Variants in CACNG2 observed in about 807,000 individuals in gnomAD.
The protein encoded by CACNG2 is calcium voltage-gated channel auxiliary subunit gamma 2.
A neutral mutation model predicts 25.9 loss-of-function variants in CACNG2; 3 were observed. That is an observed-to-expected ratio of 0.12 (90% CI 0.05 to 0.30). CACNG2 has a LOEUF of 0.30. CACNG2 is among the 10% of genes least tolerant of loss of function. The pLI, the probability that CACNG2 is intolerant of heterozygous loss-of-function variation, is 1.00. For missense variants in CACNG2, 341 were observed against 432.5 expected (o/e 0.79, Z 1.88); for synonymous variants, 167 against 173.3 (o/e 0.96, Z 0.29).
chr22:36,676,820 G>T (rs1937026201), intron 1 of CACNG2, among the ~76,000 whole-genome samples: 1 of 152,164 alleles, frequency 6.6e-6, no homozygotes, highest in Non-Finnish European at 1.5e-5. Flanking sequence ...CTACCCCACT[G>T]CCTGGGAACA....
At chr22:36,598,042 T>A (rs1056459522) in intron 1 of CACNG2, among the ~76,000 whole-genome samples, 2 of 152,246 alleles carry the variant, frequency 1.3e-5, no homozygotes, top group African/African-American at 2.4e-5. Context: ...TCAATGTTTC[T>A]GAAATTGAGA....
chr22:36,590,116 C>A (rs1022927944), intron 1 of CACNG2, among the ~76,000 whole-genome samples: 1 of 152,126 alleles, frequency 6.6e-6, no homozygotes, highest in Middle Eastern at 3.2e-3. Context: ...GGGCCACACC[C>A]GCTCCTGTTC....
intron 1 of CACNG2, among the ~76,000 whole-genome samples, chr22:36,664,057 C>A (rs1400586981): frequency 6.6e-6 from 1 of 152,094 alleles, no homozygotes; most frequent in African/African-American, 2.4e-5. Flanking sequence ...TGCATCTTCC[C>A]ACCCTTCCTC....
chr22:36,613,709 C>T (rs1337880427), intron 1 of CACNG2, among the ~76,000 whole-genome samples: 1 of 152,054 alleles, frequency 6.6e-6, no homozygotes, highest in Non-Finnish European at 1.5e-5. Context: ...CAACCCAGTC[C>T]TGTCTTCTTT....
At chr22:36,568,611 G>T (rs1245532627) in intron 2 of CACNG2, among the ~76,000 whole-genome samples, 1 of 151,790 alleles carries the variant, frequency 6.6e-6, no homozygotes, top group Non-Finnish European at 1.5e-5. Context: ...CGCTATGTTG[G>T]CCAGGCTGGT....
intron 1 of CACNG2, among the ~76,000 whole-genome samples, chr22:36,591,031 G>C (rs541097991): frequency 1.5e-4 from 19 of 127,868 alleles, no homozygotes; most frequent in Non-Finnish European, 2.1e-4. Flanking sequence ...CTCTATGTTG[G>C]GGGGAGATAT....
intron 1 of CACNG2, among the ~76,000 whole-genome samples, chr22:36,635,197 T>C (rs1191535237): frequency 2.0e-5 from 3 of 149,588 alleles, no homozygotes; most frequent in African/African-American, 5.0e-5. Flanking sequence ...GGCAGGAGAA[T>C]GGTGTGAACC....
At chr22:36,603,492 T>C (rs569718237) in intron 1 of CACNG2, among the ~76,000 whole-genome samples, 1 of 152,328 alleles carries the variant, frequency 6.6e-6, no homozygotes, top group African/African-American at 2.4e-5. Context: ...CAGCTTTCTA[T>C]TGGAAGAAGA....
At chr22:36,676,851 G>T (rs775457943) in intron 1 of CACNG2, among the ~76,000 whole-genome samples, 1 of 152,022 alleles carries the variant, frequency 6.6e-6, no homozygotes, top group Non-Finnish European at 1.5e-5. Flanking sequence ...CAGCCTCAGC[G>T]AATGCCCTGG....
At chr22:36,649,451 C>G (rs1321429512) in intron 1 of CACNG2, among the ~76,000 whole-genome samples, 3 of 152,102 alleles carry the variant, frequency 2.0e-5, no homozygotes, top group East Asian at 1.9e-4. Context: ...GCCACTATGC[C>G]CAGCTAATTT....
At chr22:36,566,004 C>T (rs1256835184) in intron 3 of CACNG2, among the ~76,000 whole-genome samples, 1 of 152,222 alleles carries the variant, frequency 6.6e-6, no homozygotes, top group Non-Finnish European at 1.5e-5. Context: ...CAGCGAGGCA[C>T]TTGGGTGCCC....
At chr22:36,585,826 A>AGAAAGAAG (rs1173824570) in intron 2 of CACNG2, among the ~76,000 whole-genome samples, 1 of 152,242 alleles carries the variant, frequency 6.6e-6, no homozygotes, top group African/African-American at 2.4e-5. Flanking sequence ...TCTATGCTCT[A>AGAAAGAAG]TGCTCTTCTT....
intron 1 of CACNG2, among the ~76,000 whole-genome samples, chr22:36,588,039 C>T (rs1462411266): frequency 6.6e-6 from 1 of 152,256 alleles, no homozygotes; most frequent in African/African-American, 2.4e-5. Context: ...TTCCCATCTG[C>T]AATTCCGCAC....
At chr22:36,594,403 G>A (rs758580531) in intron 1 of CACNG2, among the ~76,000 whole-genome samples, 5 of 152,172 alleles carry the variant, frequency 3.3e-5, no homozygotes, top group Admixed American at 6.5e-5. Context: ...TGTATGCCAC[G>A]CTCCATGCAA....
At chr22:36,667,163 G>T (rs1256990735) in intron 1 of CACNG2, among the ~76,000 whole-genome samples, 1 of 152,112 alleles carries the variant, frequency 6.6e-6, no homozygotes, top group African/African-American at 2.4e-5. Flanking sequence ...CTAAGACGGG[G>T]TTTCACCATG....
intron 1 of CACNG2, among the ~76,000 whole-genome samples, chr22:36,610,336 G>T (rs1411305178): frequency 1.3e-5 from 2 of 149,394 alleles, no homozygotes; most frequent in Admixed American, 6.6e-5. Context: ...TCCCCAGAGC[G>T]TGATTGGGAG....
chr22:36,628,988 T>C (rs562002527), intron 1 of CACNG2, among the ~76,000 whole-genome samples: 14 of 151,002 alleles, frequency 9.3e-5, no homozygotes, highest in Non-Finnish European at 1.6e-4. Context: ...TTGGCATAAA[T>C]AAAAAAAAAC....
intron 1 of CACNG2, among the ~76,000 whole-genome samples, chr22:36,656,355 C>A (rs193267017): frequency 6.6e-6 from 1 of 152,128 alleles, no homozygotes; most frequent in Non-Finnish European, 1.5e-5. Context: ...GGCCTACAAA[C>A]GCAGGCTCAT....
intron 1 of CACNG2, among the ~76,000 whole-genome samples, chr22:36,676,459 T>C (rs578192517): frequency 1.3e-5 from 2 of 152,226 alleles, no homozygotes; most frequent in South Asian, 4.2e-4. Flanking sequence ...AAGTGCAATA[T>C]CACTCATTTT....
Sources: allele counts gnomAD v4.1 joint callset (sites outside exome capture counted in the v4.1 genomes callset), GRCh38; gene constraint gnomAD v4.1.1; transcripts MANE v1.5; gene names NCBI Gene and HGNC (gene_info 2026-07-23, HGNC 2026-07-21).